Variants in DMXL2 observed in about 807,000 individuals in gnomAD.
The protein encoded by DMXL2 is dmX-like protein 2.
In DMXL2, 103 loss-of-function variants were observed where a neutral mutation model predicts 331.1. That is an observed-to-expected ratio of 0.31 (90% CI 0.27 to 0.37). DMXL2 has a LOEUF of 0.37. Among genes scored for constraint, DMXL2 ranks in the 10% least tolerant of loss-of-function variants. The probability of loss-of-function intolerance (pLI) is 1.00; values close to 1 mark genes in which losing one functional copy is unlikely to be tolerated. For missense variants in DMXL2, 3,171 were observed against 3,642.9 expected (o/e 0.87, Z 3.33); for synonymous variants, 1,281 against 1,252.1 (o/e 1.02, Z -0.49).
At chr15:51,593,961 C>T (rs1057112235) in intron 1 of DMXL2, among the ~76,000 whole-genome samples, 6 of 152,088 alleles carry the variant, frequency 3.9e-5, no homozygotes, top group African/African-American at 1.4e-4. Flanking sequence ...CAAGAGAAAG[C>T]AGGAAAGATC....
chr15:51,525,285 C>T (rs2047606328), intron 13 of DMXL2, among the ~76,000 whole-genome samples: 1 of 152,084 alleles, frequency 6.6e-6, no homozygotes, highest in African/African-American at 2.4e-5. Flanking sequence ...GACCCTGAGA[C>T]TGGCTGGCTT....
chr15:51,525,079 C>A (rs1180820223), intron 13 of DMXL2, among the ~76,000 whole-genome samples: 1 of 151,794 alleles, frequency 6.6e-6, no homozygotes, highest in Non-Finnish European at 1.5e-5. Flanking sequence ...GATAAGACAC[C>A]AGTCAGAGTC....
At chr15:51,450,403 T>A in intron 42 of DMXL2, 57 bp from the exon 43 acceptor site, 2 of 1,516,666 alleles carry the variant, frequency 1.3e-6, no homozygotes, top group Admixed American at 1.7e-5. Flanking sequence ...TTGGTAATTA[T>A]GATGTCTACA....
chr15:51,537,832 C>A, intron 10 of DMXL2, 73 bp from the exon 11 acceptor site: 1 of 1,410,240 alleles, frequency 7.1e-7, no homozygotes, highest in Non-Finnish European at 9.4e-7. Flanking sequence ...AAATAAATGG[C>A]ATACTATCTT....
chr15:51,462,493 G>A (rs1231379990), intron 33 of DMXL2, among the ~76,000 whole-genome samples: 3 of 151,972 alleles, frequency 2.0e-5, no homozygotes, highest in South Asian at 2.1e-4. Flanking sequence ...GCGCCACCAC[G>A]CCCGGCTAAT....
intron 1 of DMXL2, among the ~76,000 whole-genome samples, chr15:51,581,982 G>C (rs1297612536): frequency 6.6e-6 from 1 of 152,108 alleles, no homozygotes. Flanking sequence ...TATATCAAGA[G>C]TGTTACTATT....
Position 51,564,165 on chromosome 15 carries a change from G to C in DMXL2, c.460C>G (p.Pro154Ala). Reference sequence around the variant, plus strand: ...CACTTCCAATCATTTAAAACAGGAGGAACTGTATTATCAATTTCTTCCTCC... The same window carrying C: ...CACTTCCAATCATTTAAAACAGGAGCAACTGTATTATCAATTTCTTCCTCC... Reference protein sequence around the residue: ...EEEEEIDNTVPPVLNDWKCVW... With the variant: ...EEEEEIDNTVAPVLNDWKCVW... The change falls in exon 5 of 44, where the codon CCT becomes GCT. Residue 154 changes from proline (P) to alanine (A), a missense_variant. Transcript: ENST00000560891. 1 of 1,605,886 alleles carries C rather than the reference G, an allele frequency of 6.2e-7. No individual in the cohort carries two copies. The highest frequency in any genetic ancestry group is 1.1e-5 in the South Asian group (1 of 89,562).
chr15:51,499,863 G>T lies in DMXL2; in HGVS notation c.3361C>A (p.Gln1121Lys). 1 of 1,614,134 alleles carries T rather than the reference G, an allele frequency of 6.2e-7. No individual in the cohort carries two copies. The highest frequency in any genetic ancestry group is 1.1e-5 in the South Asian group (1 of 91,072). ...STGGSEWVLEQTIHLDDLVKV... is the reference protein window; with the variant it reads ...STGGSEWVLEKTIHLDDLVKV... ...ACCAAATCATCAAGATGAATTGTTT[G>T]TTCTAAAACCCACTCTGATCCTCCT... Residue 1121 changes from glutamine to lysine, a missense_variant, in exon 18 of 44, where the codon CAA (glutamine) becomes AAA (lysine). Gln to Lys is a moderately conservative substitution (Grantham distance 53). Coordinates refer to ENST00000560891, the MANE Select transcript of DMXL2 (RefSeq NM_001378457.1).
At chr15:51,576,202 A>AAAAAAAAC in intron 1 of DMXL2, 21 bp from the exon 2 acceptor site, 1 of 1,418,486 alleles carries the variant, frequency 7.0e-7, no homozygotes, top group Non-Finnish European at 9.4e-7. Flanking sequence ...AAAAAAAAAA[A>AAAAAAAAC]AGTTTTACAA....
At chr15:51,543,879 T>G (rs2048744056) in intron 8 of DMXL2, among the ~76,000 whole-genome samples, 1 of 152,086 alleles carries the variant, frequency 6.6e-6, no homozygotes, top group South Asian at 2.1e-4. Context: ...AAGCAATATA[T>G]CAGGTACCAT....
intron 16 of DMXL2, among the ~76,000 whole-genome samples, chr15:51,505,821 C>G (rs2046364343): frequency 6.6e-6 from 1 of 152,156 alleles, no homozygotes; most frequent in Non-Finnish European, 1.5e-5. Context: ...CAATTAATTA[C>G]AAGACATAAT....
rs768799908 is a variant in DMXL2, at chr15:51,536,372, G to A, written c.2108C>T (p.Ser703Leu). 20 of 1,613,410 alleles carry A rather than the reference G, an allele frequency of 1.2e-5. No individual in the cohort carries two copies. Among genetic ancestry groups the A allele is most frequent in the Admixed American group, 1.2e-4 (7 of 59,886 alleles). ...TGCTGCATTTCTAAGAGGTTGTTTC[G>A]AGGAACCTTTTATATGTTTTACAGG... Reference protein sequence around the residue: ...MDPVKHIKGSSKQPLRNAATR... With the variant: ...MDPVKHIKGSLKQPLRNAATR... Residue 703 changes from serine to leucine, a missense_variant, in exon 12 of 44, where the codon TCG becomes TTG. Coordinates refer to ENST00000560891, the MANE Select transcript of DMXL2 (RefSeq NM_001378457.1).
In DMXL2 at chr15:51,453,594, G is replaced by C. The variant is rs372234458; in HGVS notation, c.8652C>G (p.Thr2884=). The C allele has an allele frequency of 1.9e-6, 3 of 1,613,438 alleles. No homozygotes were observed. The highest frequency in any genetic ancestry group is 2.5e-6 in the Non-Finnish European group (3 of 1,179,780). The stretch of plus-strand genomic sequence containing the variant: ...CAGATGTGGCAACTAGACTTGAAGA[G>C]GTAATAAATGCAAAGTCACTTGTGG... ...SKATSDFAFI[T]SSSLVATSGH... is the part of the protein sequence containing the mutation. Residue 2884 remains threonine, a synonymous_variant, in exon 41 of 44, where the codon ACC becomes ACG. Coordinates refer to ENST00000560891, the MANE Select transcript of DMXL2 (RefSeq NM_001378457.1).
At chr15:51,530,869 T>C (rs186249733) in intron 13 of DMXL2, among the ~76,000 whole-genome samples, 57 of 152,186 alleles carry the variant, frequency 3.7e-4, no homozygotes, top group African/African-American at 1.3e-3. Flanking sequence ...AAAACACTGA[T>C]GAAAGAAATT....
At chr15:51,476,302 C>G (rs1567000820) in intron 27 of DMXL2, among the ~76,000 whole-genome samples, 1 of 152,046 alleles carries the variant, frequency 6.6e-6, no homozygotes. Flanking sequence ...TCTAATTTAA[C>G]ATTTCTAAGA....
chr15:51,494,628 A>T (rs1021031407), intron 19 of DMXL2, among the ~76,000 whole-genome samples: 2 of 152,220 alleles, frequency 1.3e-5, no homozygotes, highest in Admixed American at 1.3e-4. Flanking sequence ...TTGCTGGCAA[A>T]TAACTAGAAC....
At chr15:51,472,170 A>T (rs1397067228) in intron 28 of DMXL2, among the ~76,000 whole-genome samples, 2 of 152,130 alleles carry the variant, frequency 1.3e-5, no homozygotes, top group African/African-American at 4.8e-5. Context: ...CAGAAAGTAG[A>T]AGTCAACCTG....
intron 18 of DMXL2, 98 bp downstream of exon 18, chr15:51,498,454 G>C (rs1235323650): frequency 1.6e-6 from 2 of 1,265,666 alleles, no homozygotes; most frequent in Middle Eastern, 2.7e-4. Context: ...TGCAAAGTTT[G>C]AAAGTTGAGA....
intron 15 of DMXL2, among the ~76,000 whole-genome samples, chr15:51,512,683 C>T (rs1004304648): frequency 1.3e-5 from 2 of 151,732 alleles, no homozygotes; most frequent in Non-Finnish European, 2.9e-5. Flanking sequence ...GGGCTTACAG[C>T]CGAGTAGCTG....
Sources: gnomAD v4.1 joint callset for allele counts (sites outside exome capture counted in the v4.1 genomes callset) on GRCh38, gnomAD v4.1.1 for gene constraint, MANE v1.5 for transcripts, NCBI Gene and HGNC (gene_info 2026-07-23, HGNC 2026-07-21) for gene names.